Variants in B3GAT2 observed in about 807,000 individuals in gnomAD.
The protein encoded by B3GAT2 is galactosylgalactosylxylosylprotein 3-beta-glucuronosyltransferase 2.
A neutral mutation model predicts 27.8 loss-of-function variants in B3GAT2; 26 were observed. The observed-to-expected ratio is 0.93, with a 90% CI of 0.68 to 1.30. The LOEUF (loss-of-function observed/expected upper bound fraction) is 1.30, where lower values mean the gene tolerates loss of function less well. Ranked by LOEUF, B3GAT2 falls within the 50% of genes most tolerant of loss-of-function variation. B3GAT2 has a pLI of 0.00. For synonymous variants in B3GAT2, 218 were observed against 195.1 expected (o/e 1.12, Z -0.98); for missense variants, 458 against 459.0 (o/e 1.00, Z 0.02).
At chr6:70,880,819 C>T (rs1246562274) in intron 2 of B3GAT2, among the ~76,000 whole-genome samples, 1 of 152,054 alleles carries the variant, frequency 6.6e-6, no homozygotes, top group Non-Finnish European at 1.5e-5. Context: ...GCGTGCACCA[C>T]CATGCCCAGC....
Position 70,860,105 on chromosome 6 carries a change from C to T in B3GAT2, c.*1558G>A. On this transcript the variant is annotated 3_prime_UTR_variant, in exon 4 of 4. Transcript: ENST00000230053. ...TTATTCCAGTGCTTGGACTAGTTGTCACATTAATGAAAAAATGACCAACTG... is the reference window on the plus strand; with the variant it reads ...TTATTCCAGTGCTTGGACTAGTTGTTACATTAATGAAAAAATGACCAACTG... 7.2e-7 allele frequency: 1 copy of T among 1,391,740 alleles called. No individual in the cohort carries two copies. Among genetic ancestry groups the T allele is most frequent in the Non-Finnish European group, 9.6e-7 (1 of 1,037,890 alleles). 86.2% of individuals were successfully genotyped at this position (1,391,740 alleles called of 1,614,324 possible).
chr6:70,869,115 A>C (rs537085857), intron 2 of B3GAT2, among the ~76,000 whole-genome samples: 3 of 152,228 alleles, frequency 2.0e-5, no homozygotes, highest in Admixed American at 6.5e-5. Context: ...TTATTTCTAC[A>C]CTGTCAGTTC....
rs550517562 is a variant in B3GAT2, at chr6:70,858,050, C to G, written c.*3613G>C. 15 of 1,614,072 alleles carry G rather than the reference C, an allele frequency of 9.3e-6. 1 individual carries two copies. In the South Asian group the frequency reaches 1.6e-4, roughly 18 times the overall value. On this transcript the variant is annotated 3_prime_UTR_variant, in exon 4 of 4. Coordinates refer to ENST00000230053, the MANE Select transcript of B3GAT2 (RefSeq NM_080742.3). ...TATAGGAAATGTGATGGGACAGAGT[C>G]CAAGCATGATGGTGGGCATGCCCAT...
rs910433903 is a variant in B3GAT2 at position 70,860,569 on chromosome 6, G to A, written c.*1094C>T. The A allele has an allele frequency of 6.3e-5, 28 of 447,006 alleles. No individual in the cohort carries two copies. The highest frequency in any genetic ancestry group is 4.2e-4 in the African/African-American group (21 of 49,648). 27.7% of individuals were successfully genotyped at this position (447,006 alleles called of 1,614,324 possible). A position where few individuals can be genotyped will look rare whatever the true frequency, so the allele number is the denominator to read the frequency against. ...TTGCTCATATTTCCCATGATTTCAT[G>A]TACTGCATTATTTGAGAAGCTGCTC... On this transcript the variant is annotated 3_prime_UTR_variant, in exon 4 of 4. Coordinates refer to ENST00000230053, the MANE Select transcript of B3GAT2 (RefSeq NM_080742.3).
intron 1 of B3GAT2, among the ~76,000 whole-genome samples, chr6:70,908,934 AAATAT>A (rs1349801388): frequency 1.3e-5 from 2 of 152,214 alleles, no homozygotes; most frequent in African/African-American, 2.4e-5. Flanking sequence ...CACTCTCAGA[AAATAT>A]TTTAAAAGGT....
intron 1 of B3GAT2, among the ~76,000 whole-genome samples, chr6:70,952,496 T>G (rs1362047592): frequency 6.6e-6 from 1 of 150,702 alleles, no homozygotes; most frequent in African/African-American, 2.4e-5. Flanking sequence ...ATTGAAAACA[T>G]GACTAAAAAT....
chr6:70,866,397 T>G (rs1771851768), intron 2 of B3GAT2, among the ~76,000 whole-genome samples: 1 of 152,210 alleles, frequency 6.6e-6, no homozygotes, highest in African/African-American at 2.4e-5. Context: ...ACATATGTAT[T>G]TATAATATAG....
At chr6:70,872,207 T>C (rs1266787505) in intron 2 of B3GAT2, among the ~76,000 whole-genome samples, 1 of 152,000 alleles carries the variant, frequency 6.6e-6, no homozygotes, top group East Asian at 1.9e-4. Flanking sequence ...GTTTGTTACA[T>C]CTAATTGATT....
chr6:70,872,865 C>T (rs1209723840), intron 2 of B3GAT2, among the ~76,000 whole-genome samples: 1 of 151,762 alleles, frequency 6.6e-6, no homozygotes, highest in African/African-American at 2.4e-5. Flanking sequence ...TTAGAGGTTG[C>T]CATGGGGATT....
chr6:70,956,226 C>T lies in B3GAT2; in HGVS notation c.204G>A (p.Gln68=). The T allele has an allele frequency of 1.2e-6, 2 of 1,612,588 alleles. No individual in the cohort carries two copies. The highest frequency in any genetic ancestry group is 2.2e-5 in the South Asian group (2 of 90,972). Residue 68 remains glutamine, a synonymous_variant, in exon 1 of 4, where the codon CAG becomes CAA. Coordinates refer to ENST00000230053, the MANE Select transcript of B3GAT2 (RefSeq NM_080742.3). ...GCTCCGGCTGTGGCTGCGGCCGAGACTGGTTGCGCTTTTGGGTCCCGTGAG... is the reference window on the plus strand; with the variant it reads ...GCTCCGGCTGTGGCTGCGGCCGAGATTGGTTGCGCTTTTGGGTCCCGTGAG... The part of the protein sequence containing the change: ...GPAHGTQKRN[Q]SRPQPQPEPQ...
chr6:70,931,450 T>C (rs1773061696), intron 1 of B3GAT2, among the ~76,000 whole-genome samples: 1 of 152,118 alleles, frequency 6.6e-6, no homozygotes, highest in African/African-American at 2.4e-5. Context: ...TAAAGCTCTT[T>C]CTCTATTGCA....
At chr6:70,955,610 G>A (rs992466016) in intron 1 of B3GAT2, among the ~76,000 whole-genome samples, 5 of 152,098 alleles carry the variant, frequency 3.3e-5, no homozygotes, top group African/African-American at 9.7e-5. Context: ...GCAGACTCCC[G>A]CCCCTTAAGC....
At chr6:70,906,846 TAC>T (rs1562225336) in intron 1 of B3GAT2, among the ~76,000 whole-genome samples, 2 of 152,140 alleles carry the variant, frequency 1.3e-5, no homozygotes, top group African/African-American at 4.8e-5. Context: ...TTAAGGCAAT[TAC>T]ACAGACACAT....
intron 1 of B3GAT2, among the ~76,000 whole-genome samples, chr6:70,931,728 C>T (rs992454937): frequency 6.6e-6 from 1 of 152,134 alleles, no homozygotes; most frequent in Non-Finnish European, 1.5e-5. Context: ...CAGGAGAAAG[C>T]CTTCATGACA....
intron 1 of B3GAT2, among the ~76,000 whole-genome samples, chr6:70,907,452 C>T (rs527361281): frequency 6.6e-6 from 1 of 152,192 alleles, no homozygotes; most frequent in East Asian, 1.9e-4. Flanking sequence ...GGTGATGACA[C>T]CACTGAGTCA....
At chr6:70,907,047 T>C (rs1202583008) in intron 1 of B3GAT2, among the ~76,000 whole-genome samples, 1 of 152,164 alleles carries the variant, frequency 6.6e-6, no homozygotes, top group Non-Finnish European at 1.5e-5. Flanking sequence ...AGTCCAGGGA[T>C]GGGCTATAGC....
intron 2 of B3GAT2, among the ~76,000 whole-genome samples, chr6:70,865,588 C>A (rs1021590386): frequency 6.6e-6 from 1 of 152,116 alleles, no homozygotes; most frequent in African/African-American, 2.4e-5. Flanking sequence ...GTATGAGTAG[C>A]AGTCCTGAAA....
chr6:70,868,367 C>T (rs1169908010), intron 2 of B3GAT2, among the ~76,000 whole-genome samples: 1 of 152,176 alleles, frequency 6.6e-6, no homozygotes, highest in African/African-American at 2.4e-5. Flanking sequence ...AGAAGTACAG[C>T]AAGCCTCCTC....
chr6:70,859,371 G>T lies in B3GAT2; in HGVS notation c.*2292C>A. The T allele has an allele frequency of 6.5e-7, 1 of 1,549,284 alleles. No homozygotes were observed. The highest frequency in any genetic ancestry group is 1.2e-5 in the South Asian group (1 of 83,902). ...TGCTGTTCTCCAGCACTCCATCAGTGCAATCTACTGGCCAATGACAAGGTG... is the reference window on the plus strand; with the variant it reads ...TGCTGTTCTCCAGCACTCCATCAGTTCAATCTACTGGCCAATGACAAGGTG... On this transcript the variant is annotated 3_prime_UTR_variant, in exon 4 of 4. Transcript: ENST00000230053.
Sources: gnomAD v4.1 joint callset for allele counts (sites outside exome capture counted in the v4.1 genomes callset) on GRCh38, gnomAD v4.1.1 for gene constraint, MANE v1.5 for transcripts, NCBI Gene and HGNC (gene_info 2026-07-23, HGNC 2026-07-21) for gene names.